Variants in SNTG2 observed in about 807,000 individuals in gnomAD.
SNTG2 encodes gamma-2-syntrophin.
SNTG2 carries 74 observed loss-of-function variants against 70.9 expected under a neutral mutation model. The observed-to-expected ratio is 1.04, with a 90% CI of 0.86 to 1.27. The LOEUF is 1.27. Among genes scored for constraint, SNTG2 ranks in the 50% most tolerant of loss-of-function variants. The probability of loss-of-function intolerance (pLI) is 0.00; values close to 1 mark genes in which losing one functional copy is unlikely to be tolerated. For synonymous variants in SNTG2, 278 were observed against 273.8 expected, an observed-to-expected ratio of 1.02 and a Z score of -0.15; for missense variants, 717 against 690.7, an observed-to-expected ratio of 1.04 and a Z score of -0.43.
At chr2:1,349,525 G>T (rs911841999) in intron 16 of SNTG2, among the ~76,000 whole-genome samples, 3 of 152,182 alleles carry the variant, frequency 2.0e-5, no homozygotes, top group Admixed American at 1.3e-4. Flanking sequence ...CTTTGGGAAG[G>T]GGCTGTTATC....
chr2:1,040,511 T>A (rs1275199371), intron 1 of SNTG2, among the ~76,000 whole-genome samples: 1 of 152,196 alleles, frequency 6.6e-6, no homozygotes, highest in Non-Finnish European at 1.5e-5. Flanking sequence ...TCCTCTGGCC[T>A]CCAGGGAAAG....
In SNTG2 at chr2:1,055,762, A is replaced by G. The variant is rs150568080; in HGVS notation, c.73-27756A>G. 2.7e-3 allele frequency among the ~76,000 whole-genome samples: 418 copies of G among 152,320 alleles called. 1 individual carries two copies. The highest frequency in any genetic ancestry group is 9.3e-3 in the African/African-American group (387 of 41,568). On this transcript the variant is annotated intron_variant, in intron 1 of 16. Transcript: ENST00000308624. ...TCATGAAGGATTTAACAGTGTGAACATTTCCATTTTCTAAGGTGACCGTGC... is the reference window on the plus strand; with the variant it reads ...TCATGAAGGATTTAACAGTGTGAACGTTTCCATTTTCTAAGGTGACCGTGC...
At chr2:1,234,712 A>G (rs1337307692) in intron 9 of SNTG2, among the ~76,000 whole-genome samples, 1 of 151,604 alleles carries the variant, frequency 6.6e-6, no homozygotes, top group East Asian at 1.9e-4. Context: ...TCACTGCCTC[A>G]GGGGGCAAAG....
intron 15 of SNTG2, among the ~76,000 whole-genome samples, chr2:1,313,629 A>C (rs1361057324): frequency 6.6e-6 from 1 of 152,240 alleles, no homozygotes; most frequent in African/African-American, 2.4e-5. Flanking sequence ...TGCAGAAGAG[A>C]AAATCTGTGA....
In SNTG2 at chr2:1,294,395, A is replaced by T. The variant is rs144045799; in HGVS notation, c.1285-14099A>T. Among the ~76,000 whole-genome samples, 685 of 152,378 alleles carry T rather than the reference A, an allele frequency of 4.5e-3. 7 individuals carry two copies. Among genetic ancestry groups the T allele is most frequent in the African/African-American group, 0.015 (643 of 41,596 alleles). On this transcript the variant is annotated intron_variant, in intron 14 of 16. Transcript: ENST00000308624. ...AATCTCTCTAAACATGGTACATTTT[A>T]TGTGCTCAAATGTTTGAGAAATGAA... is the stretch of plus-strand genomic sequence containing the variant.
chr2:1,018,740 T>A (rs1187551977), intron 1 of SNTG2, among the ~76,000 whole-genome samples: 1 of 151,972 alleles, frequency 6.6e-6, no homozygotes, highest in African/African-American at 2.4e-5. Context: ...CAAAAAAAAA[T>A]TAATAATAAT....
chr2:1,329,750 G>A (rs889134763), intron 16 of SNTG2, among the ~76,000 whole-genome samples: 1 of 152,190 alleles, frequency 6.6e-6, no homozygotes, highest in Non-Finnish European at 1.5e-5. Flanking sequence ...AGTGCTGTAC[G>A]CATCGTGTGG....
At chr2:1,086,366 ATCT>A (rs1167464187) in intron 2 of SNTG2, among the ~76,000 whole-genome samples, 5 of 152,200 alleles carry the variant, frequency 3.3e-5, no homozygotes, top group Non-Finnish European at 7.3e-5. Context: ...AAAAAGTCAG[ATCT>A]TCTGTGAGTG....
intron 15 of SNTG2, among the ~76,000 whole-genome samples, chr2:1,310,704 C>T (rs1680942197): frequency 6.6e-6 from 1 of 152,144 alleles, no homozygotes; most frequent in Middle Eastern, 3.2e-3. Flanking sequence ...GGAGCCTTTT[C>T]CCATTTCCCT....
intron 2 of SNTG2, among the ~76,000 whole-genome samples, chr2:1,092,893 G>C (rs114092141): frequency 0.011 from 1,677 of 152,278 alleles, 19 homozygotes; most frequent in Non-Finnish European, 0.018. Flanking sequence ...AACATAGTTT[G>C]GGATTAAATG....
intron 8 of SNTG2, among the ~76,000 whole-genome samples, chr2:1,184,476 G>A (rs1056859565): frequency 3.3e-5 from 5 of 152,178 alleles, no homozygotes; most frequent in Admixed American, 1.3e-4. Context: ...CAGAAACTGG[G>A]AAATTCATAA....
chr2:1,079,929 G>A (rs1038648080), intron 1 of SNTG2, among the ~76,000 whole-genome samples: 4 of 152,196 alleles, frequency 2.6e-5, no homozygotes, highest in African/African-American at 9.6e-5. Flanking sequence ...CTCCGAAGGC[G>A]GCTGCACTAC....
intron 1 of SNTG2, among the ~76,000 whole-genome samples, chr2:1,018,637 G>A (rs1333297952): frequency 6.6e-6 from 1 of 152,130 alleles, no homozygotes; most frequent in Admixed American, 6.5e-5. Flanking sequence ...TAGACCCAGG[G>A]CGTGAACTTC....
chr2:1,271,136 A>G (rs1227319412), intron 14 of SNTG2, among the ~76,000 whole-genome samples: 3 of 152,174 alleles, frequency 2.0e-5, no homozygotes, highest in African/African-American at 7.2e-5. Flanking sequence ...TCTACATTAC[A>G]AATATCGTTC....
rs561886661 is a variant in SNTG2 at position 1,112,662 on chromosome 2, C to G, written c.325+14252C>G. ...TCATGTGTACTAAGTGAGGGTTAAC[C>G]CTTACAGTCCTTTGAGGAGAATCAT... On this transcript the variant is annotated intron_variant, in intron 4 of 16. Coordinates refer to ENST00000308624, the MANE Select transcript of SNTG2 (RefSeq NM_018968.4). 6.7e-4 allele frequency among the ~76,000 whole-genome samples: 102 copies of G among 151,120 alleles called. 5 individuals carry two copies. Among genetic ancestry groups the G allele is most frequent in the African/African-American group, 2.2e-3 (90 of 40,766 alleles).
intron 7 of SNTG2, among the ~76,000 whole-genome samples, chr2:1,167,803 C>T (rs1451174481): frequency 1.6e-5 from 2 of 128,522 alleles, no homozygotes; most frequent in Non-Finnish European, 3.2e-5. Context: ...CGCCCACAGA[C>T]GGCAGAACTG....
intron 1 of SNTG2, among the ~76,000 whole-genome samples, chr2:998,916 C>A (rs1048752434): frequency 6.6e-6 from 1 of 152,050 alleles, no homozygotes; most frequent in African/African-American, 2.4e-5. Context: ...AAAGGAGAGT[C>A]CATCAAATTT....
At chr2:1,224,184 C>A (rs1320221240) in intron 9 of SNTG2, among the ~76,000 whole-genome samples, 8 of 152,170 alleles carry the variant, frequency 5.3e-5, no homozygotes, top group Non-Finnish European at 1.2e-4. Flanking sequence ...AACACGACTG[C>A]CTCGGGGGCT....
chr2:966,255 C>A (rs901909780), intron 1 of SNTG2, among the ~76,000 whole-genome samples: 1 of 152,176 alleles, frequency 6.6e-6, no homozygotes, highest in African/African-American at 2.4e-5. Flanking sequence ...GTTGCACTTA[C>A]AATAACTTCT....
Sources: gnomAD v4.1 joint callset for allele counts (sites outside exome capture counted in the v4.1 genomes callset) on GRCh38, gnomAD v4.1.1 for gene constraint, MANE v1.5 for transcripts, NCBI Gene and HGNC (gene_info 2026-07-23, HGNC 2026-07-21) for gene names.